Variants in SLIT1 observed in about 807,000 individuals in gnomAD.
The protein encoded by SLIT1 is slit homolog 1 protein.
A neutral mutation model predicts 186.1 loss-of-function variants in SLIT1; 66 were observed. The ratio of observed to expected loss-of-function variants is 0.35; its 90% CI spans 0.29 to 0.44. SLIT1 has a LOEUF of 0.44. SLIT1 is among the 20% of genes least tolerant of loss of function. The probability of loss-of-function intolerance (pLI) is 1.00; values close to 1 mark genes in which losing one functional copy is unlikely to be tolerated. For synonymous variants in SLIT1, 761 were observed against 833.8 expected, an observed-to-expected ratio of 0.91 and a Z score of 1.50; for missense variants, 1,638 against 2,037.4, an observed-to-expected ratio of 0.80 and a Z score of 3.77.
chr10:97,018,660 C>T lies in SLIT1; in HGVS notation c.2895G>A (p.Leu965=). 2 of 1,591,504 alleles carry T rather than the reference C, an allele frequency of 1.3e-6. No individual in the cohort carries two copies. Among genetic ancestry groups the T allele is most frequent in the South Asian group, 1.1e-5 (1 of 87,146 alleles). ...CACAGGGGCCACTGGAACAGCTGTCCAGGGACACCTCACAGTCTCGACCCT... is the reference window on the plus strand; with the variant it reads ...CACAGGGGCCACTGGAACAGCTGTCTAGGGACACCTCACAGTCTCGACCCT... ...GYKGRDCEVS[L]DSCSSGPCEN... The change falls in exon 28 of 37, where the codon CTG becomes CTA. Residue 965 remains leucine (L), a synonymous_variant. Coordinates refer to ENST00000266058, the MANE Select transcript of SLIT1 (RefSeq NM_003061.3).
chr10:97,171,534 T>C (rs958892380), intron 1 of SLIT1, among the ~76,000 whole-genome samples: 4 of 152,168 alleles, frequency 2.6e-5, no homozygotes, highest in African/African-American at 9.7e-5. Context: ...AAAATCTCCT[T>C]ACTGACCAGG....
Position 97,031,681 on chromosome 10 carries a change from C to T in SLIT1, c.2439-4G>A, listed in dbSNP as rs372835138. 103 of 1,550,102 alleles carry T rather than the reference C, an allele frequency of 6.6e-5. No individual in the cohort carries two copies. The South Asian group carries it at 1.0e-3, about 15-fold the overall frequency. On this transcript the variant is annotated splice_region_variant and splice_polypyrimidine_tract_variant and intron_variant, in intron 23 of 36. Transcript: ENST00000266058. Reference sequence around the variant, plus strand: ...CAGGGCATTGTAGCTGAGGATCCTGCGGAGGAAGGAGATGGAGGAAGGGCA... The same window carrying T: ...CAGGGCATTGTAGCTGAGGATCCTGTGGAGGAAGGAGATGGAGGAAGGGCA...
At chr10:97,167,239 G>A (rs1027805345) in intron 1 of SLIT1, among the ~76,000 whole-genome samples, 2 of 152,076 alleles carry the variant, frequency 1.3e-5, no homozygotes, top group African/African-American at 2.4e-5. Flanking sequence ...ATTATTTCCC[G>A]AAACAGCCAC....
chr10:97,099,072 C>T (rs936689054), intron 4 of SLIT1, among the ~76,000 whole-genome samples: 4 of 152,012 alleles, frequency 2.6e-5, no homozygotes, highest in African/African-American at 9.7e-5. Flanking sequence ...GTTCTCAGTG[C>T]CCCTCACCAT....
intron 34 of SLIT1, among the ~76,000 whole-genome samples, 169 bp from the exon 35 acceptor site, chr10:97,003,161 C>T (rs1412573763): frequency 5.3e-5 from 8 of 152,214 alleles, no homozygotes; most frequent in Non-Finnish European, 1.2e-4. Flanking sequence ...GGCCCAGGCT[C>T]CTTGCCCAGA....
chr10:97,000,754 T>C lies in SLIT1; in HGVS notation c.*358A>G. The C allele has an allele frequency of 4.5e-6, 1 of 219,794 alleles. No homozygotes were observed. The highest frequency in any genetic ancestry group is 9.0e-6 in the Non-Finnish European group (1 of 111,312). 13.6% of individuals were successfully genotyped at this position (219,794 alleles called of 1,614,324 possible). On this transcript the variant is annotated 3_prime_UTR_variant, in exon 37 of 37. Coordinates refer to ENST00000266058, the MANE Select transcript of SLIT1 (RefSeq NM_003061.3). ...AAAGGGAAGGGTTGGTTTGGAAGGC[T>C]GTCATTTTTCTTCTCCAGATTCAGA...
intron 1 of SLIT1, among the ~76,000 whole-genome samples, chr10:97,169,420 A>T (rs1850158947): frequency 6.6e-6 from 1 of 152,214 alleles, no homozygotes. Context: ...TCAAGTTCAC[A>T]ACCTAAGCCA....
Position 97,011,067 on chromosome 10 carries a change from G to T in SLIT1, c.3267C>A (p.Asp1089Glu). The T allele has an allele frequency of 1.9e-6, 3 of 1,613,374 alleles. No individual in the cohort carries two copies. The highest frequency in any genetic ancestry group is 2.5e-6 in the Non-Finnish European group (3 of 1,179,324). The change falls in exon 31 of 37, where the codon GAC (aspartate) becomes GAA (glutamate). Residue 1089 changes from aspartate (D) to glutamate (E), a missense_variant. Physicochemically the swap from Asp to Glu is conservative, Grantham distance 45. Coordinates refer to ENST00000266058, the MANE Select transcript of SLIT1 (RefSeq NM_003061.3). ...NCSENQDDCR[D>E]HRCQNGAQCM... ...ACTGGGCCCCATTCTGGCAGCGGTG[G>T]TCCCTGCAGTCATCCTGGTTCTCAC...
rs1283710320 is a variant in SLIT1 at position 97,166,557 on chromosome 10, A to AGGAAGGAAGGAAAGAG, written c.198-1668_198-1667insCTCTTTCCTTCCTTCC. 6.2e-4 allele frequency among the ~76,000 whole-genome samples: 34 copies of AGGAAGGAAGGAAAGAG among 55,200 alleles called. 1 individual carries two copies. In the East Asian group the frequency reaches 7.8e-3, roughly 13 times the overall value. 36.2% of individuals were successfully genotyped at this position (55,200 alleles called of 152,430 possible). Reference sequence around the variant, plus strand: ...AAGGAAGGAAGGAAGGAAGGAAGGAAAGAGAGAGAGAGAGAAAGAAAGAAA... The same window carrying AGGAAGGAAGGAAAGAG: ...AAGGAAGGAAGGAAGGAAGGAAGGAAGGAAGGAAGGAAAGAGAGAGAGAGAGAGAGAAAGAAAGAAA... On this transcript the variant is annotated intron_variant, in intron 1 of 36. Transcript: ENST00000266058.
At chr10:97,082,792 C>T (rs185674907) in intron 4 of SLIT1, among the ~76,000 whole-genome samples, 2 of 152,196 alleles carry the variant, frequency 1.3e-5, no homozygotes, top group Non-Finnish European at 2.9e-5. Context: ...TGGTGTGGGA[C>T]GTTAATAGTC....
intron 4 of SLIT1, among the ~76,000 whole-genome samples, chr10:97,114,222 G>A (rs763092668): frequency 2.0e-5 from 3 of 152,198 alleles, no homozygotes; most frequent in Non-Finnish European, 2.9e-5. Flanking sequence ...GAGCAGCCAC[G>A]GAGGCCCTGA....
At chr10:97,054,442 G>T (rs1388254484) in intron 13 of SLIT1, among the ~76,000 whole-genome samples, 1 of 151,964 alleles carries the variant, frequency 6.6e-6, no homozygotes. Context: ...CCTAGTCTCT[G>T]GTATTCCTTG....
intron 25 of SLIT1, among the ~76,000 whole-genome samples, chr10:97,024,840 G>T (rs12258328): frequency 0.042 from 6,334 of 152,304 alleles, 173 homozygotes; most frequent in Middle Eastern, 0.14. Flanking sequence ...CTCATTTAGA[G>T]AAAAATGCCA....
chr10:97,114,480 C>A (rs750978085), intron 4 of SLIT1, among the ~76,000 whole-genome samples: 1 of 152,116 alleles, frequency 6.6e-6, no homozygotes, highest in Non-Finnish European at 1.5e-5. Flanking sequence ...CAAGACCAGC[C>A]TGGGCAACAA....
chr10:97,155,692 A>C (rs1849941356), intron 4 of SLIT1, among the ~76,000 whole-genome samples: 1 of 152,238 alleles, frequency 6.6e-6, no homozygotes, highest in Non-Finnish European at 1.5e-5. Context: ...ACGGATCACT[A>C]TGGGAAGGAG....
intron 23 of SLIT1, among the ~76,000 whole-genome samples, chr10:97,034,015 C>T (rs2134612492): frequency 6.6e-6 from 1 of 152,252 alleles, no homozygotes; most frequent in South Asian, 2.1e-4. Context: ...CAGGCACCCG[C>T]CACCCAGCCC....
intron 2 of SLIT1, 96 bp from the exon 3 acceptor site, chr10:97,163,547 G>T: frequency 1.0e-6 from 1 of 993,642 alleles, no homozygotes; most frequent in South Asian, 1.3e-5. Flanking sequence ...ACCTCTGCCA[G>T]GGCAGCATTA....
chr10:97,180,673 G>A lies in SLIT1; in HGVS notation c.197+4805C>T, dbSNP rs539956810. Reference sequence around the variant, plus strand: ...CACAGCCCTCCCATCACGACCATCCGCCCTGCATACAGTCCCCACTCTGTC... The same window carrying A: ...CACAGCCCTCCCATCACGACCATCCACCCTGCATACAGTCCCCACTCTGTC... On this transcript the variant is annotated intron_variant, in intron 1 of 36. Coordinates refer to ENST00000266058, the MANE Select transcript of SLIT1 (RefSeq NM_003061.3). 4.6e-5 allele frequency among the ~76,000 whole-genome samples: 7 copies of A among 152,236 alleles called. No individual in the cohort carries two copies. The East Asian group carries it at 7.7e-4, about 17-fold the overall frequency.
At chr10:97,052,708 A>G (rs1488967998) in intron 13 of SLIT1, among the ~76,000 whole-genome samples, 2 of 152,198 alleles carry the variant, frequency 1.3e-5, no homozygotes, top group African/African-American at 2.4e-5. Flanking sequence ...ATGCTGTTAC[A>G]CAGGGACTTC....
Sources: gnomAD v4.1 joint callset for allele counts (sites outside exome capture counted in the v4.1 genomes callset) on GRCh38, gnomAD v4.1.1 for gene constraint, MANE v1.5 for transcripts, NCBI Gene and HGNC (gene_info 2026-07-23, HGNC 2026-07-21) for gene names.